AIFM3: variants seen among roughly 807,000 people sequenced by gnomAD.
AIFM3 encodes AIF family member 3.
A neutral mutation model predicts 82.7 loss-of-function variants in AIFM3; 71 were observed. The observed-to-expected ratio is 0.86, with a 90% CI of 0.71 to 1.05. The LOEUF (loss-of-function observed/expected upper bound fraction) is 1.05. Among genes scored for constraint, AIFM3 ranks in the 50% least tolerant of loss-of-function variants. The probability of loss-of-function intolerance (pLI) is 0.00; values close to 1 mark genes in which losing one functional copy is unlikely to be tolerated. For missense variants in AIFM3, 748 were observed against 816.7 expected, an observed-to-expected ratio of 0.92 and a Z score of 1.03; for synonymous variants, 337 against 329.1, an observed-to-expected ratio of 1.02 and a Z score of -0.26.
chr22:20,981,055 A>C lies in AIFM3; in HGVS notation c.*24A>C. 1 of 1,614,014 alleles carries C rather than the reference A, an allele frequency of 6.2e-7. No individual in the cohort carries two copies. Among genetic ancestry groups the C allele is most frequent in the East Asian group, 2.2e-5 (1 of 44,874 alleles). On this transcript the variant is annotated 3_prime_UTR_variant, in exon 21 of 21. Transcript: ENST00000440238. ...GAGCTCACATGCAGTAGACTTGGGC[A>C]GGCAAAGGGGGCACCAAGGGCACAG...
rs753460407 is a variant in AIFM3 at position 20,974,061 on chromosome 22, A to G, written c.356-2A>G. On this transcript the variant is annotated splice_acceptor_variant, in intron 4 of 20. Coordinates refer to ENST00000440238, the MANE Select transcript of AIFM3 (RefSeq NM_001386814.1). LOFTEE classifies it high-confidence loss of function. The stretch of plus-strand genomic sequence containing the variant: ...GCGCAGCCTAACACCTCCCCTTCCC[A>G]GGCGTTCTGTCCCGTGGTCGGGTGC... 2.5e-6 allele frequency: 4 copies of G among 1,604,608 alleles called. No individual in the cohort carries two copies. The African/African-American group carries it at 5.3e-5, about 21-fold the overall frequency.
rs371219265 is a variant in AIFM3, at chr22:20,979,633, G to C, written c.1583G>C (p.Gly528Ala). ...FGKSLRYAGYGEGFDDVIIQG... is the reference protein window; with the variant it reads ...FGKSLRYAGYAEGFDDVIIQG... ...CCACCTGCCCGGCCCACAGGCTACG[G>C]AGAAGGCTTCGACGACGTCATCATC... Residue 528 changes from glycine to alanine, a missense_variant, in exon 18 of 21, where the codon GGA becomes GCA. Coordinates refer to ENST00000440238, the MANE Select transcript of AIFM3 (RefSeq NM_001386814.1). The C allele has an allele frequency of 1.2e-6, 2 of 1,614,092 alleles. No individual in the cohort carries two copies. The highest frequency in any genetic ancestry group is 1.7e-6 in the Non-Finnish European group (2 of 1,180,048).
Position 20,973,428 on chromosome 22 carries a change from G to A in AIFM3, c.153G>A (p.Thr51=), listed in dbSNP as rs748543747. 8 of 1,613,062 alleles carry A rather than the reference G, an allele frequency of 5.0e-6. No homozygotes were observed. The Admixed American group carries it at 8.3e-5, about 17-fold the overall frequency. ...ATGGCACGGCCCGCCACTTCCACAC[G>A]GAGGAGCGCCTGTCCACCCCTCACC... ...QGNGTARHFH[T]EERLSTPHPY... is the part of the protein sequence containing the mutation. Residue 51 remains threonine, a synonymous_variant, in exon 3 of 21, where the codon ACG becomes ACA. Coordinates refer to ENST00000440238, the MANE Select transcript of AIFM3 (RefSeq NM_001386814.1).
At position 20,974,892 on chromosome 22, in the gene AIFM3, C is replaced by G. The variant is rs146588132; in HGVS notation, c.720+76C>G. 7 of 1,475,572 alleles carry G rather than the reference C, an allele frequency of 4.7e-6. No individual in the cohort carries two copies. In the East Asian group the frequency reaches 1.6e-4, roughly 34 times the overall value. The allele number at this position is 1,475,572 out of a possible 1,614,324, so 91.4% of individuals were successfully genotyped here. On this transcript the variant is annotated intron_variant, in intron 8 of 20. Coordinates refer to ENST00000440238, the MANE Select transcript of AIFM3 (RefSeq NM_001386814.1). ...GCCCACTTCAAGCCTTGCTTGTCACCCCATTGGGGTCTGGCCGGCTGCCCT... is the reference window on the plus strand; with the variant it reads ...GCCCACTTCAAGCCTTGCTTGTCACGCCATTGGGGTCTGGCCGGCTGCCCT...
In AIFM3 at chr22:20,979,323, G is replaced by C. The variant is rs771361824; in HGVS notation, c.1530G>C (p.Val510=). The C allele has an allele frequency of 7.7e-6, 12 of 1,560,466 alleles. No homozygotes were observed. The highest frequency in any genetic ancestry group is 9.5e-6 in the Non-Finnish European group (11 of 1,152,046). The change falls in exon 17 of 21, where the codon GTG becomes GTC. Residue 510 remains valine, a synonymous_variant. Coordinates refer to ENST00000440238, the MANE Select transcript of AIFM3 (RefSeq NM_001386814.1). ...CGCAGGAGGCGGAGATGAGCACTGT[G>C]CCCTACCTCTGGACCGCCATGTTTG... The part of the protein sequence containing the change: ...MLAQEAEMST[V]PYLWTAMFGK...
rs769054945 is a variant in AIFM3 at position 20,980,129 on chromosome 22, G to A, written c.1757+5G>A. 1 of 1,605,322 alleles carries A rather than the reference G, an allele frequency of 6.2e-7. No homozygotes were observed. On this transcript the variant is annotated splice_donor_5th_base_variant and intron_variant, in intron 19 of 20. Coordinates refer to ENST00000440238, the MANE Select transcript of AIFM3 (RefSeq NM_001386814.1). Reference sequence around the variant, plus strand: ...CATCCGGAAGCGGGAGGTGGAGTGAGTGTGGGTGTGGGAAGCCTGGGGGTG... The same window carrying A: ...CATCCGGAAGCGGGAGGTGGAGTGAATGTGGGTGTGGGAAGCCTGGGGGTG...
intron 2 of AIFM3, 76 bp downstream of exon 2, chr22:20,968,051 C>G: frequency 1.4e-6 from 2 of 1,471,508 alleles, no homozygotes; most frequent in East Asian, 2.4e-5. Context: ...CCCCCTCCCC[C>G]TCTGCACTCG....
intron 6 of AIFM3, 105 bp from the exon 7 acceptor site, chr22:20,974,420 G>A (rs1923493093): frequency 6.4e-7 from 1 of 1,557,336 alleles, no homozygotes; most frequent in South Asian, 1.2e-5. Context: ...AGCAGAGTGA[G>A]GGGTTGCGGT....
intron 19 of AIFM3, 112 bp downstream of exon 19, chr22:20,980,236 G>A: frequency 1.1e-6 from 1 of 944,340 alleles, no homozygotes; most frequent in Non-Finnish European, 1.6e-6. Context: ...TCCCCTCTTG[G>A]TTTGCATCGC....
chr22:20,977,897 A>G lies in AIFM3; in HGVS notation c.1369A>G (p.Thr457Ala). ...GFIPVNKMMQTNVPGVFAAGD... is the reference protein window; with the variant it reads ...GFIPVNKMMQANVPGVFAAGD... ...GGCCCTCTCTCTACAGATGATGCAG[A>G]CCAATGTCCCAGGCGTGTTTGCAGC... Residue 457 changes from threonine (T) to alanine (A), a missense_variant, in exon 16 of 21, where the codon ACC becomes GCC. Coordinates refer to ENST00000440238, the MANE Select transcript of AIFM3 (RefSeq NM_001386814.1). 3.1e-6 allele frequency: 5 copies of G among 1,614,108 alleles called. No homozygotes were observed. The highest frequency in any genetic ancestry group is 1.3e-5 in the African/African-American group (1 of 75,010).
intron 14 of AIFM3, 106 bp downstream of exon 14, chr22:20,977,201 C>T: frequency 6.8e-7 from 1 of 1,477,952 alleles, no homozygotes; most frequent in Non-Finnish European, 9.3e-7. Flanking sequence ...TCAGTTTCCA[C>T]CACATCTGTC....
At chr22:20,977,222 C>A in intron 14 of AIFM3, 127 bp downstream of exon 14, 1 of 1,262,782 alleles carries the variant, frequency 7.9e-7, no homozygotes, top group Non-Finnish European at 1.1e-6. Flanking sequence ...AAATGGGAAC[C>A]CCCAACCGCC....
chr22:20,979,623 A>C lies in AIFM3; in HGVS notation c.1577-4A>C. 6.2e-7 allele frequency: 1 copy of C among 1,614,140 alleles called. No homozygotes were observed. The highest frequency in any genetic ancestry group is 8.5e-7 in the Non-Finnish European group (1 of 1,180,020). ...TGGGTGCCACCCACCTGCCCGGCCC[A>C]CAGGCTACGGAGAAGGCTTCGACGA... is the stretch of plus-strand genomic sequence containing the variant. On this transcript the variant is annotated splice_polypyrimidine_tract_variant and splice_region_variant and intron_variant, in intron 17 of 20. Transcript: ENST00000440238.
chr22:20,976,700 G>T lies in AIFM3; in HGVS notation c.1080G>T (p.Val360=). 6.2e-7 allele frequency: 1 copy of T among 1,609,338 alleles called. No homozygotes were observed. Residue 360 remains valine, a synonymous_variant, in exon 12 of 21, where the codon GTG becomes GTT. Transcript: ENST00000440238. ...CGGAGAAGGCCCACTCTGTGTCTGT[G>T]GTGGAGCTGGAGGAGACGCCCTTCA... ...YLTEKAHSVS[V]VELEETPFRR...
intron 8 of AIFM3, 145 bp from the exon 9 acceptor site, chr22:20,975,547 G>A (rs1249039946): frequency 6.8e-6 from 5 of 733,934 alleles, no homozygotes. Flanking sequence ...TGGGATCACA[G>A]GCATGAGTCA....
chr22:20,966,563 C>T (rs903810039), upstream of AIFM3: 5 of 152,328 alleles, frequency 3.3e-5, no homozygotes, highest in Non-Finnish European at 4.4e-5. Flanking sequence ...CTCAGCCCCA[C>T]CTCAAGTGAG....
At position 20,973,762 on chromosome 22, in the gene AIFM3, C is replaced by G. The variant is rs377274696; in HGVS notation, c.250C>G (p.Arg84Gly). 1 of 1,556,144 alleles carries G rather than the reference C, an allele frequency of 6.4e-7. No individual in the cohort carries two copies. The highest frequency in any genetic ancestry group is 1.9e-5 in the Admixed American group (1 of 51,950). Reference protein sequence around the residue: ...HVKDLENGQMREVELGWGKVL... With the variant: ...HVKDLENGQMGEVELGWGKVL... The stretch of plus-strand genomic sequence containing the variant: ...CTGAGTGCTGCGGTTCCCCAGGATG[C>G]GGGAAGTGGAGCTGGGCTGGGGGAA... Residue 84 changes from arginine (R) to glycine (G), a missense_variant, in exon 4 of 21, where the codon CGG becomes GGG. Coordinates refer to ENST00000440238, the MANE Select transcript of AIFM3 (RefSeq NM_001386814.1).
chr22:20,969,672 G>A lies in AIFM3; in HGVS notation c.31+1697G>A, dbSNP rs566415320. On this transcript the variant is annotated intron_variant, in intron 2 of 20. Coordinates refer to ENST00000440238, the MANE Select transcript of AIFM3 (RefSeq NM_001386814.1). ...TCTCTATCTCCTGACCTTGTGATCC[G>A]CCCATCTCGGCCTCCCAAGGAATAT... Among the ~76,000 whole-genome samples the A allele has an allele frequency of 4.8e-4, 73 of 152,190 alleles. No homozygotes were observed. The South Asian group carries it at 0.015, about 30-fold the overall frequency.
At position 20,976,499 on chromosome 22, in the gene AIFM3, C is replaced by T. The variant is rs201655926; in HGVS notation, c.991C>T (p.Arg331Ter). The change falls in exon 11 of 21, where the codon CGA becomes TGA. Residue 331 changes from arginine (R) to a stop codon, truncating the protein, a stop_gained. Transcript: ENST00000440238. LOFTEE classifies it high-confidence loss of function. Reference protein sequence around the residue: ...EDANRVVRLARGRNVVVVGAG... With the variant: ...EDANRVVRLA ...TGCCAATCGCGTGGTGAGGCTGGCC[C>T]GAGGCCGCAACGTGGTCGTCGTGGG... 6.8e-5 allele frequency: 109 copies of T among 1,613,664 alleles called. No homozygotes were observed. The highest frequency in any genetic ancestry group is 8.8e-5 in the Non-Finnish European group (104 of 1,180,030).
Sources: gnomAD v4.1 joint callset for allele counts (sites outside exome capture counted in the v4.1 genomes callset) on GRCh38, gnomAD v4.1.1 for gene constraint, MANE v1.5 for transcripts, NCBI Gene and HGNC (gene_info 2026-07-23, HGNC 2026-07-21) for gene names.